Variants in PCDH9 observed in about 807,000 individuals in gnomAD.
PCDH9 encodes protocadherin-9.
Under a neutral mutation model 70.6 loss-of-function variants are expected in PCDH9, and 24 were observed. The observed-to-expected ratio is 0.34, with a 90% confidence interval of 0.25 to 0.48. The LOEUF (loss-of-function observed/expected upper bound fraction) is 0.48, where lower values mean the gene tolerates loss of function less well. PCDH9 is among the 20% of genes least tolerant of loss of function. PCDH9 has a pLI of 0.99. For synonymous variants in PCDH9, 562 were observed against 558.5 expected, an observed-to-expected ratio of 1.01 and a Z score of -0.09; for missense variants, 1,281 against 1,503.6, an observed-to-expected ratio of 0.85 and a Z score of 2.45.
chr13:67,070,036 C>T (rs1201149999), intron 2 of PCDH9, among the ~76,000 whole-genome samples: 6 of 151,126 alleles, frequency 4.0e-5, no homozygotes, highest in Non-Finnish European at 5.9e-5. Context: ...AACCCTGCTA[C>T]TAGGTCATGC....
intron 4 of PCDH9, among the ~76,000 whole-genome samples, chr13:66,522,633 T>C (rs1960047891): frequency 6.6e-6 from 1 of 151,616 alleles, no homozygotes; most frequent in Admixed American, 6.6e-5. Flanking sequence ...GAGCCCTAAG[T>C]CCAATGACAA....
At chr13:66,729,864 C>T (rs555239356) in intron 3 of PCDH9, among the ~76,000 whole-genome samples, 13 of 152,280 alleles carry the variant, frequency 8.5e-5, no homozygotes, top group African/African-American at 3.1e-4. Flanking sequence ...TCACAATGTG[C>T]TAAGTCAGAC....
intron 4 of PCDH9, among the ~76,000 whole-genome samples, chr13:66,496,774 CAATT>C (rs925420414): frequency 2.6e-5 from 4 of 152,108 alleles, no homozygotes; most frequent in African/African-American, 9.7e-5. Context: ...ATATCACAAA[CAATT>C]AAGTTCTCAA....
rs774046328 is a variant in PCDH9 at position 66,304,642 on chromosome 13, A to G, written c.*13T>C. 23 of 1,607,438 alleles carry G rather than the reference A, an allele frequency of 1.4e-5. No homozygotes were observed. Among genetic ancestry groups the G allele is most frequent in the Non-Finnish European group, 1.9e-5 (22 of 1,174,772 alleles). On this transcript the variant is annotated 3_prime_UTR_variant, in exon 5 of 5. Transcript: ENST00000377865. ...TGTCTATTTAAAGTTATTAGGTCCC[A>G]TATAGCCTTTTCTTAGAGTTGGTGC... is the stretch of plus-strand genomic sequence containing the variant.
chr13:66,398,148 A>T (rs1226597856), intron 4 of PCDH9, among the ~76,000 whole-genome samples: 2 of 152,110 alleles, frequency 1.3e-5, no homozygotes, highest in Non-Finnish European at 2.9e-5. Flanking sequence ...AAGTGAGGTC[A>T]CCAGATATAC....
intron 3 of PCDH9, among the ~76,000 whole-genome samples, chr13:66,702,564 T>A (rs191984768): frequency 4.0e-4 from 61 of 152,320 alleles, no homozygotes; most frequent in African/African-American, 1.3e-3. Context: ...TGGTCTTAAA[T>A]GTTCTCATCA....
At chr13:66,694,433 A>G (rs1001934231) in intron 3 of PCDH9, among the ~76,000 whole-genome samples, 3 of 152,184 alleles carry the variant, frequency 2.0e-5, no homozygotes, top group African/African-American at 7.2e-5. Flanking sequence ...ATTTTGGCTT[A>G]TACTGATTGC....
At chr13:66,518,317 C>T (rs1959835370) in intron 4 of PCDH9, among the ~76,000 whole-genome samples, 1 of 152,068 alleles carries the variant, frequency 6.6e-6, no homozygotes, top group Non-Finnish European at 1.5e-5. Context: ...CACCTTCCAC[C>T]AAGCCCCGCC....
At chr13:66,570,132 A>G (rs749973312) in intron 4 of PCDH9, among the ~76,000 whole-genome samples, 2 of 152,174 alleles carry the variant, frequency 1.3e-5, no homozygotes, top group African/African-American at 2.4e-5. Context: ...CCGGGGGATT[A>G]TACTGAAGGA....
chr13:66,927,709 A>G (rs1408680815), intron 2 of PCDH9, among the ~76,000 whole-genome samples: 1 of 151,894 alleles, frequency 6.6e-6, no homozygotes, highest in African/African-American at 2.4e-5. Flanking sequence ...TCTTCCCTCC[A>G]TGAGTGTCTG....
At chr13:66,909,367 C>A (rs576743912) in intron 2 of PCDH9, among the ~76,000 whole-genome samples, 1 of 151,894 alleles carries the variant, frequency 6.6e-6, no homozygotes, top group Non-Finnish European at 1.5e-5. Context: ...ATGACTATAC[C>A]GCCCAAAGCA....
At chr13:66,481,081 A>G (rs1018055037) in intron 4 of PCDH9, among the ~76,000 whole-genome samples, 1 of 152,038 alleles carries the variant, frequency 6.6e-6, no homozygotes. Context: ...TCATGTTCTG[A>G]CTCATAAGTG....
At chr13:67,140,141 A>G (rs1454711692) in intron 2 of PCDH9, among the ~76,000 whole-genome samples, 1 of 149,274 alleles carries the variant, frequency 6.7e-6, no homozygotes, top group Non-Finnish European at 1.5e-5. Context: ...CTTATTTATG[A>G]CAAGAACACT....
At chr13:66,490,902 C>T (rs1021860572) in intron 4 of PCDH9, among the ~76,000 whole-genome samples, 3 of 152,100 alleles carry the variant, frequency 2.0e-5, no homozygotes, top group Non-Finnish European at 4.4e-5. Flanking sequence ...TTTCTTTGCC[C>T]AGCATATCTG....
intron 2 of PCDH9, among the ~76,000 whole-genome samples, chr13:67,081,624 C>T (rs2085985059): frequency 6.6e-6 from 1 of 152,016 alleles, no homozygotes; most frequent in African/African-American, 2.4e-5. Flanking sequence ...AGCTTAATGA[C>T]CATCTCATAG....
At chr13:66,670,265 T>A (rs1392851205) in intron 3 of PCDH9, among the ~76,000 whole-genome samples, 1 of 152,214 alleles carries the variant, frequency 6.6e-6, no homozygotes, top group Non-Finnish European at 1.5e-5. Flanking sequence ...TGCAGAAAAG[T>A]AAAAGACATG....
intron 3 of PCDH9, among the ~76,000 whole-genome samples, chr13:66,805,590 A>G (rs2080396980): frequency 6.6e-6 from 1 of 152,182 alleles, no homozygotes; most frequent in African/African-American, 2.4e-5. Flanking sequence ...TAAATAACAG[A>G]CACAAAGACA....
intron 4 of PCDH9, among the ~76,000 whole-genome samples, chr13:66,440,596 T>G (rs533330012): frequency 6.6e-6 from 1 of 152,110 alleles, no homozygotes; most frequent in Non-Finnish European, 1.5e-5. Flanking sequence ...TTGTAGATGA[T>G]GAGAAAATAA....
chr13:67,179,109 A>G (rs746279838), intron 2 of PCDH9, among the ~76,000 whole-genome samples: 14 of 152,034 alleles, frequency 9.2e-5, no homozygotes, highest in Non-Finnish European at 2.1e-4. Flanking sequence ...GTGTGGCTAC[A>G]TAGTTGATTA....
Sources: allele counts gnomAD v4.1 joint callset (sites outside exome capture counted in the v4.1 genomes callset), GRCh38; gene constraint gnomAD v4.1.1; transcripts MANE v1.5; gene names NCBI Gene and HGNC (gene_info 2026-07-23, HGNC 2026-07-21).